AHRR: variants seen among roughly 807,000 people sequenced by gnomAD.
AHRR encodes the protein aryl hydrocarbon receptor repressor.
In AHRR, 28 loss-of-function variants were observed where a neutral mutation model predicts 44.0. That is an observed-to-expected ratio of 0.64 (90% CI 0.47 to 0.87). AHRR has a LOEUF of 0.87. Ranked by LOEUF, AHRR falls within the 40% of genes least tolerant of loss-of-function variation. The probability of loss-of-function intolerance (pLI) is 0.00; values close to 1 mark genes in which losing one functional copy is unlikely to be tolerated. For synonymous variants in AHRR, 434 were observed against 407.0 expected, an observed-to-expected ratio of 1.07 and a Z score of -0.80; for missense variants, 990 against 953.9, an observed-to-expected ratio of 1.04 and a Z score of -0.50.
intron 5 of AHRR, among the ~76,000 whole-genome samples, chr5:414,047 G>C (rs781466482): frequency 7.9e-5 from 12 of 152,180 alleles, no homozygotes; most frequent in Non-Finnish European, 1.6e-4. Flanking sequence ...GGTGGATCAC[G>C]AGGTCAGGAG....
In AHRR at chr5:343,936, C is replaced by G. The variant is rs1331384897; in HGVS notation, c.34C>G (p.Arg12Gly). The G allele has an allele frequency of 1.2e-6, 2 of 1,600,506 alleles. No homozygotes were observed. The highest frequency in any genetic ancestry group is 3.4e-5 in the Admixed American group (2 of 59,470). ...IPPGECTYAGRKRRRPLQKQR... is the reference protein window; with the variant it reads ...IPPGECTYAGGKRRRPLQKQR... ...GCCGGGGGAGTGCACGTACGCGGGC[C>G]GGAAGCGGAGGAGGCCCCTGCAGAA... The change falls in exon 2 of 11, where the codon CGG (arginine) becomes GGG (glycine). Residue 12 changes from arginine to glycine, a missense_variant. Coordinates refer to ENST00000684583, the MANE Select transcript of AHRR (RefSeq NM_001377236.1).
chr5:427,707 C>G (rs193054309), intron 7 of AHRR, 100 bp from the exon 8 acceptor site: 9 of 1,613,854 alleles, frequency 5.6e-6, no homozygotes, highest in Non-Finnish European at 7.6e-6. Context: ...TGCCTCCCTA[C>G]GAATTCCAGC....
intron 2 of AHRR, among the ~76,000 whole-genome samples, chr5:351,410 T>C (rs897332758): frequency 2.0e-5 from 3 of 152,176 alleles, no homozygotes; most frequent in Non-Finnish European, 4.4e-5. Context: ...CACGGGAATA[T>C]TACTCAGCCC....
intron 4 of AHRR, among the ~76,000 whole-genome samples, chr5:409,119 C>T (rs1296751545): frequency 5.3e-5 from 8 of 152,044 alleles, no homozygotes; most frequent in Admixed American, 1.3e-4. Context: ...TTTTATTTAA[C>T]GTAGTGTTTT....
chr5:394,302 G>T (rs955040232), intron 4 of AHRR, among the ~76,000 whole-genome samples: 1 of 143,180 alleles, frequency 7.0e-6, no homozygotes, highest in African/African-American at 2.7e-5. Context: ...TTTCCTCCCT[G>T]TGTGCTGGAG....
intron 3 of AHRR, among the ~76,000 whole-genome samples, chr5:366,803 A>G (rs75593094): frequency 0.059 from 8,972 of 152,282 alleles, 399 homozygotes; most frequent in Non-Finnish European, 0.078. Context: ...ACTTCGGTCT[A>G]ATCACGAGGA....
intron 5 of AHRR, among the ~76,000 whole-genome samples, chr5:420,445 C>T (rs1027306193): frequency 1.4e-4 from 21 of 152,306 alleles, no homozygotes; most frequent in African/African-American, 4.6e-4. Context: ...CAAACACTAG[C>T]TGGGGGGCCT....
At chr5:380,852 C>T (rs1189459913) in intron 4 of AHRR, among the ~76,000 whole-genome samples, 1 of 152,180 alleles carries the variant, frequency 6.6e-6, no homozygotes, top group Non-Finnish European at 1.5e-5. Flanking sequence ...ACAAGTTTCA[C>T]AATAGGCTGT....
chr5:432,372 C>A, intron 8 of AHRR, 91 bp from the exon 9 acceptor site: 1 of 1,275,062 alleles, frequency 7.8e-7, no homozygotes, highest in Non-Finnish European at 1.1e-6. Context: ...CAATACCTGT[C>A]ATTATTAATT....
At chr5:402,522 G>A (rs547648893) in intron 4 of AHRR, among the ~76,000 whole-genome samples, 123 of 151,416 alleles carry the variant, frequency 8.1e-4, no homozygotes, top group African/African-American at 2.9e-3. Context: ...GAAGGCAGTC[G>A]TTGATGAGGG....
At chr5:384,235 C>T (rs957946043) in intron 4 of AHRR, among the ~76,000 whole-genome samples, 3 of 151,884 alleles carry the variant, frequency 2.0e-5, no homozygotes, top group Non-Finnish European at 2.9e-5. Flanking sequence ...CTTATCTATT[C>T]GCTTTTGGGT....
In AHRR at chr5:337,305, TTCATA is replaced by T. The variant is rs1358757534; in HGVS notation, c.-10-6586_-10-6582del. ...AGCAAATCCCTAACATGCCATTTAT[TTCATA>T]TGTGTTTTAATGTGTATGTCTAAAA... On this transcript the variant is annotated intron_variant, in intron 1 of 10. Coordinates refer to ENST00000684583, the MANE Select transcript of AHRR (RefSeq NM_001377236.1). This position sits in a 1 kb window ranked among gnomAD's most constrained non-coding sequence, Gnocchi z 4.1. Among the ~76,000 whole-genome samples, 2 of 152,190 alleles carry T rather than the reference TTCATA, an allele frequency of 1.3e-5. No homozygotes were observed. Among genetic ancestry groups the T allele is most frequent in the Non-Finnish European group, 2.9e-5 (2 of 68,046 alleles).
rs1553986319 is a variant in AHRR, at chr5:403,695, T to TTA, written c.352-9649_352-9648insTA. 16,387 of 793,442 alleles carry TTA rather than the reference T, an allele frequency of 0.021. 1,538 individuals carry two copies. The African/African-American group carries it at 0.24, about 12-fold the overall frequency. 49.2% of individuals were successfully genotyped at this position (793,442 alleles called of 1,614,324 possible). ...AGTTAAAATGGTATTTTTTTTTTTT[T>TTA]ACTTTCTCTCAGAGGCATATTTTTC... On this transcript the variant is annotated intron_variant, in intron 4 of 10. Coordinates refer to ENST00000684583, the MANE Select transcript of AHRR (RefSeq NM_001377236.1).
intron 1 of AHRR, among the ~76,000 whole-genome samples, chr5:325,364 C>T (rs902073588): frequency 1.3e-5 from 2 of 152,190 alleles, no homozygotes; most frequent in Non-Finnish European, 2.9e-5. Context: ...CCCGGCCCAC[C>T]TTGGGGTGCT....
rs138132138 is a variant in AHRR at position 332,006 on chromosome 5, G to A, written c.-11+10187G>A. On this transcript the variant is annotated intron_variant, in intron 1 of 10. Coordinates refer to ENST00000684583, the MANE Select transcript of AHRR (RefSeq NM_001377236.1). ...TATATCCCATAGGTTTTTAAAGTAT[G>A]TCGTGTTTAATTTTCATTTGTTTCA... 5.3e-3 allele frequency among the ~76,000 whole-genome samples: 814 copies of A among 152,236 alleles called. 12 individuals carry two copies. Among genetic ancestry groups the A allele is most frequent in the Admixed American group, 0.013 (204 of 15,278 alleles).
chr5:420,665 TGTG>T (rs1433908548), intron 5 of AHRR, among the ~76,000 whole-genome samples: 3 of 152,200 alleles, frequency 2.0e-5, no homozygotes, highest in Non-Finnish European at 4.4e-5. Context: ...GGTTGGGCCT[TGTG>T]GTGTCCACCA....
At chr5:431,772 A>G (rs1321093317) in intron 8 of AHRR, among the ~76,000 whole-genome samples, 1 of 152,194 alleles carries the variant, frequency 6.6e-6, no homozygotes, top group Non-Finnish European at 1.5e-5. Flanking sequence ...CCCCATGTCA[A>G]CACACCCTGT....
intron 4 of AHRR, among the ~76,000 whole-genome samples, chr5:398,868 C>T (rs1734885891): frequency 6.6e-6 from 1 of 152,180 alleles, no homozygotes; most frequent in African/African-American, 2.4e-5. Context: ...GCAGCCGCCC[C>T]CGTCTGTTCT....
intron 3 of AHRR, among the ~76,000 whole-genome samples, chr5:373,792 CCGCCACG>C (rs1315309616): frequency 6.6e-6 from 1 of 151,330 alleles, no homozygotes; most frequent in East Asian, 2.0e-4. Context: ...GCCCCATTCC[CCGCCACG>C]CGCCTGGCGC....
Sources: allele counts gnomAD v4.1 joint callset (sites outside exome capture counted in the v4.1 genomes callset), GRCh38; gene constraint gnomAD v4.1.1; non-coding constraint Gnocchi (gnomAD v3.1); transcripts MANE v1.5; gene names NCBI Gene and HGNC (gene_info 2026-07-23, HGNC 2026-07-21).